The following ARHGEF33 variants were observed in gnomAD, a reference collection of about 807,000 sequenced individuals.
ARHGEF33 encodes the protein Rho guanine nucleotide exchange factor 33, also known as DH and coiled-coil domain-containing protein ENSP00000381780.
Under a neutral mutation model 101.9 loss-of-function variants are expected in ARHGEF33, and 72 were observed. That is an observed-to-expected ratio of 0.71 (90% CI 0.58 to 0.86). ARHGEF33 has a LOEUF of 0.86. Among genes scored for constraint, ARHGEF33 ranks in the 40% least tolerant of loss-of-function variants. The pLI is 0.00. For missense variants in ARHGEF33, 1,169 were observed against 1,111.3 expected, an observed-to-expected ratio of 1.05 and a Z score of -0.74; for synonymous variants, 499 against 442.5, an observed-to-expected ratio of 1.13 and a Z score of -1.60.
intron 11 of ARHGEF33, among the ~76,000 whole-genome samples, chr2:38,951,763 A>C (rs1667613415): frequency 6.6e-6 from 1 of 152,034 alleles, no homozygotes; most frequent in Admixed American, 6.5e-5. Flanking sequence ...TACACATGAG[A>C]GTTTGTATAT....
intron 2 of ARHGEF33, among the ~76,000 whole-genome samples, chr2:38,898,296 TG>T (rs1666165092): frequency 6.6e-6 from 1 of 152,218 alleles, no homozygotes; most frequent in Non-Finnish European, 1.5e-5. Context: ...GTTCTGAAAC[TG>T]TATGAGAAAA....
chr2:38,964,339 A>G (rs557357249), intron 16 of ARHGEF33, among the ~76,000 whole-genome samples: 2 of 152,164 alleles, frequency 1.3e-5, no homozygotes, highest in East Asian at 1.9e-4. Context: ...CTCACTTGCA[A>G]CTGTAAAGAC....
chr2:38,921,651 T>C (rs1167449659), intron 4 of ARHGEF33, among the ~76,000 whole-genome samples: 2 of 152,202 alleles, frequency 1.3e-5, no homozygotes, highest in Non-Finnish European at 2.9e-5. Context: ...TTGCCCACTC[T>C]GGTCTTTAAC....
intron 9 of ARHGEF33, among the ~76,000 whole-genome samples, chr2:38,940,166 A>G (rs771606286): frequency 1.3e-5 from 2 of 152,238 alleles, no homozygotes; most frequent in African/African-American, 2.4e-5. Flanking sequence ...ACATCTTGAC[A>G]GTATTGAGTC....
intron 9 of ARHGEF33, among the ~76,000 whole-genome samples, chr2:38,942,385 G>A (rs1035608358): frequency 3.3e-5 from 5 of 150,074 alleles, no homozygotes; most frequent in Admixed American, 6.6e-5. Context: ...AAGTCTCGAC[G>A]TCTTGACCTT....
chr2:38,965,514 G>A (rs1266145603), intron 16 of ARHGEF33, among the ~76,000 whole-genome samples: 3 of 152,102 alleles, frequency 2.0e-5, no homozygotes, highest in African/African-American at 7.2e-5. Context: ...GCCTTCCCTC[G>A]ATTATGCTTA....
At chr2:38,937,016 ACAGAGTCC>A in intron 8 of ARHGEF33, 1 of 146,028 alleles carries the variant, frequency 6.8e-6, no homozygotes, top group African/African-American at 2.6e-5. Context: ...TTTTTTTGAG[ACAGAGTCC>A]CACTCTGTCA....
At chr2:38,911,546 G>T (rs1666509919) in intron 2 of ARHGEF33, among the ~76,000 whole-genome samples, 1 of 152,100 alleles carries the variant, frequency 6.6e-6, no homozygotes, top group South Asian at 2.1e-4. Context: ...GGAGGGTCAG[G>T]AGACTTTTCA....
intron 4 of ARHGEF33, among the ~76,000 whole-genome samples, chr2:38,927,926 C>T (rs768665885): frequency 1.4e-4 from 22 of 152,076 alleles, no homozygotes; most frequent in Non-Finnish European, 2.9e-4. Flanking sequence ...AGAAGTGCTC[C>T]ATTTTCTCCA....
chr2:38,937,123 T>G (rs1186444421), intron 8 of ARHGEF33: 19 of 463,898 alleles, frequency 4.1e-5, no homozygotes, highest in Admixed American at 1.4e-4. Context: ...GCCTCCTGAG[T>G]AGCTGGGACT....
At chr2:38,936,064 C>T (rs1427239119) in intron 8 of ARHGEF33, among the ~76,000 whole-genome samples, 3 of 152,154 alleles carry the variant, frequency 2.0e-5, no homozygotes, top group Non-Finnish European at 4.4e-5. Context: ...CAGTATGTTT[C>T]ATTTTTTCTG....
chr2:38,959,721 G>T (rs1292342978), intron 15 of ARHGEF33, 120 bp from the exon 16 acceptor site: 2 of 1,140,476 alleles, frequency 1.8e-6, no homozygotes, highest in African/African-American at 3.2e-5. Flanking sequence ...AGTTTGTGGA[G>T]CTCGGGAGGT....
intron 9 of ARHGEF33, among the ~76,000 whole-genome samples, chr2:38,942,501 C>A (rs368186977): frequency 4.6e-5 from 5 of 109,888 alleles, no homozygotes; most frequent in African/African-American, 1.6e-4. Flanking sequence ...AGGGAGATTT[C>A]TTTTCTTCAT....
At chr2:38,900,771 A>G (rs905441355) in intron 2 of ARHGEF33, among the ~76,000 whole-genome samples, 1 of 152,220 alleles carries the variant, frequency 6.6e-6, no homozygotes, top group African/African-American at 2.4e-5. Flanking sequence ...TCCCACAGAC[A>G]GAGCTGAATC....
Position 38,956,912 on chromosome 2 carries a change from T to C in ARHGEF33, c.1235T>C (p.Phe412Ser). ...CCCTCCATCCAGAACGTCCTGAAGT[T>C]CACAGAGCAGGAGCACCCTGACTAT... is the stretch of plus-strand genomic sequence containing the variant. Reference protein sequence around the residue: ...YLIHLQNVLKFTEQEHPDYYL... With the variant: ...YLIHLQNVLKSTEQEHPDYYL... The change falls in exon 14 of 18, where the codon TTC (phenylalanine) becomes TCC (serine). Residue 412 changes from phenylalanine (F) to serine (S), a missense_variant. Physicochemically the swap from Phe to Ser is radical, Grantham distance 155 (BLOSUM62 -2). Transcript: ENST00000409978. The C allele has an allele frequency of 6.4e-7, 1 of 1,552,396 alleles. No homozygotes were observed. Among genetic ancestry groups the C allele is most frequent in the Non-Finnish European group, 8.7e-7 (1 of 1,147,140 alleles).
intron 16 of ARHGEF33, among the ~76,000 whole-genome samples, chr2:38,960,901 C>G (rs1176995154): frequency 6.6e-6 from 1 of 152,230 alleles, no homozygotes; most frequent in Non-Finnish European, 1.5e-5. Flanking sequence ...AAGAGCTTGC[C>G]TCATATGGTA....
intron 2 of ARHGEF33, among the ~76,000 whole-genome samples, chr2:38,903,302 A>G (rs1374410640): frequency 6.6e-6 from 1 of 152,216 alleles, no homozygotes; most frequent in Non-Finnish European, 1.5e-5. Flanking sequence ...TTTGCATGTG[A>G]ATTTTACATC....
chr2:38,959,734 C>T, intron 15 of ARHGEF33, 107 bp from the exon 16 acceptor site: 1 of 1,238,050 alleles, frequency 8.1e-7, no homozygotes, highest in South Asian at 1.6e-5. Flanking sequence ...CGGGAGGTGG[C>T]ATGCACAGGC....
At chr2:38,924,347 T>C (rs1427348814) in intron 4 of ARHGEF33, among the ~76,000 whole-genome samples, 1 of 152,218 alleles carries the variant, frequency 6.6e-6, no homozygotes, top group African/African-American at 2.4e-5. Context: ...CCACTGCACA[T>C]ACCCCTCTCA....
Sources: gnomAD v4.1 joint callset for allele counts (sites outside exome capture counted in the v4.1 genomes callset) on GRCh38, gnomAD v4.1.1 for gene constraint, MANE v1.5 for transcripts, NCBI Gene and HGNC (gene_info 2026-07-23, HGNC 2026-07-21) for gene names.